TENM1: variants seen among roughly 807,000 people sequenced by gnomAD.
The protein encoded by TENM1 is teneurin-1.
A neutral mutation model predicts 174.8 loss-of-function variants in TENM1; 35 were observed. The ratio of observed to expected loss-of-function variants is 0.20; its 90% CI spans 0.15 to 0.27. The LOEUF (loss-of-function observed/expected upper bound fraction) is 0.27. TENM1 is among the 10% of genes least tolerant of loss of function. The pLI, the probability that TENM1 is intolerant of heterozygous loss-of-function variation, is 1.00. For missense variants in TENM1, 1,633 were observed against 2,130.1 expected (o/e 0.77, Z 4.59); for synonymous variants, 781 against 798.7 (o/e 0.98, Z 0.37).
At chrX:125,177,604 A>C in the TENM1 span, among the ~76,000 whole-genome samples, 3 of 112,337 alleles carry the variant, frequency 2.7e-5, no homozygotes, top group South Asian at 3.7e-4. Flanking sequence ...AGTGATTTCA[A>C]ATTTATTAAG....
At chrX:125,195,977 A>G in the TENM1 span, among the ~76,000 whole-genome samples, 1 of 106,045 alleles carries the variant, frequency 9.4e-6, no homozygotes, top group Non-Finnish European at 1.9e-5. Flanking sequence ...AAGAGAAGAA[A>G]AAAAGAAGGA....
intron 19 of TENM1, among the ~76,000 whole-genome samples, chrX:124,497,577 G>A (rs1377303130): frequency 9.0e-6 from 1 of 110,988 alleles, no homozygotes; most frequent in Non-Finnish European, 1.9e-5. Context: ...ATTCACTCTG[G>A]GCTCTGTGAA....
At chrX:124,823,163 A>G (rs1329208091) in intron 3 of TENM1, among the ~76,000 whole-genome samples, 1 of 112,172 alleles carries the variant, frequency 8.9e-6, no homozygotes, top group Non-Finnish European at 1.9e-5. Flanking sequence ...TTGTCTTCAT[A>G]TCTCACAACT....
intron 8 of TENM1, among the ~76,000 whole-genome samples, chrX:124,650,591 A>G (rs1233362011): frequency 9.0e-6 from 1 of 111,626 alleles, no homozygotes; most frequent in South Asian, 3.7e-4. Context: ...ATAGGAAGAC[A>G]GAAAGTCTTC....
chrX:125,001,108 A>T, the TENM1 span, among the ~76,000 whole-genome samples: 1 of 110,560 alleles, frequency 9.0e-6, no homozygotes, highest in Non-Finnish European at 1.9e-5. Flanking sequence ...ATTCTTTTCA[A>T]ATTCTGCTAT....
chrX:124,471,372 ATTATAATATATAGTACT>A (rs1189826759), intron 22 of TENM1, among the ~76,000 whole-genome samples: 2 of 35,402 alleles, frequency 5.6e-5, no homozygotes, highest in African/African-American at 2.5e-4. Flanking sequence ...AGTACTATAT[ATTATAATATATAGTACT>A]ATATATAATA....
chrX:125,045,373 T>C, the TENM1 span, among the ~76,000 whole-genome samples: 1 of 111,558 alleles, frequency 9.0e-6, no homozygotes, highest in African/African-American at 3.3e-5. Context: ...TTCTTCTTCC[T>C]GAAATATACC....
At chrX:124,618,170 C>T (rs1056857781) in intron 11 of TENM1, among the ~76,000 whole-genome samples, 2 of 111,699 alleles carry the variant, frequency 1.8e-5, no homozygotes, top group Non-Finnish European at 3.8e-5. Context: ...TAGACATTCA[C>T]GCTGCTTGGA....
the TENM1 span, among the ~76,000 whole-genome samples, chrX:125,026,588 G>A: frequency 9.0e-6 from 1 of 111,562 alleles, no homozygotes; most frequent in Non-Finnish European, 1.9e-5. Flanking sequence ...AGGGCAATTT[G>A]GAAAAGGATA....
chrX:124,669,442 A>G (rs1488729102), intron 6 of TENM1, among the ~76,000 whole-genome samples: 1 of 111,739 alleles, frequency 8.9e-6, no homozygotes, highest in Admixed American at 9.6e-5. Flanking sequence ...CTAGAGCTGT[A>G]TTTATGGGAT....
intron 20 of TENM1, among the ~76,000 whole-genome samples, chrX:124,489,923 T>C (rs765160457): frequency 9.0e-6 from 1 of 111,663 alleles, no homozygotes; most frequent in South Asian, 3.8e-4. Flanking sequence ...TGTCACTGAC[T>C]TCTCAGGTCT....
chrX:125,012,523 A>G, the TENM1 span, among the ~76,000 whole-genome samples: 1 of 112,140 alleles, frequency 8.9e-6, no homozygotes, highest in Admixed American at 9.5e-5. Context: ...AGCATTATAT[A>G]ATTGTAATAA....
chrX:124,736,905 A>C, intron 4 of TENM1, 52 bp downstream of exon 7: 1 of 1,160,984 alleles, frequency 8.6e-7, no homozygotes, highest in Non-Finnish European at 1.2e-6. Context: ...AATCAGTAGA[A>C]CCATCCTCTG....
upstream of TENM1, among the ~76,000 whole-genome samples, chrX:124,965,088 T>C (rs1043297950): frequency 2.7e-5 from 3 of 111,853 alleles, no homozygotes; most frequent in East Asian, 2.8e-4. Context: ...GATTGATTGA[T>C]TGATTTAGAG....
At chrX:124,425,180 G>A (rs1236070793) in intron 23 of TENM1, among the ~76,000 whole-genome samples, 1 of 112,111 alleles carries the variant, frequency 8.9e-6, no homozygotes, top group African/African-American at 3.2e-5. Flanking sequence ...TGTCTTAGCT[G>A]TTGCAAATAG....
At chrX:124,485,701 G>A (rs1331105913) in intron 21 of TENM1, among the ~76,000 whole-genome samples, 2 of 111,805 alleles carry the variant, frequency 1.8e-5, no homozygotes, top group African/African-American at 6.5e-5. Flanking sequence ...TGTGAGGAAA[G>A]TTAGAATTAG....
chrX:124,553,234 C>T (rs916290558), intron 14 of TENM1, among the ~76,000 whole-genome samples: 10 of 89,328 alleles, frequency 1.1e-4, no homozygotes, highest in African/African-American at 3.8e-4. Context: ...TGGTGGCTCA[C>T]GCCTGTAATC....
chrX:124,462,437 G>T (rs2061187590), intron 22 of TENM1, among the ~76,000 whole-genome samples: 1 of 97,336 alleles, frequency 1.0e-5, no homozygotes. Context: ...TGTGTGGGGG[G>T]GGTGGGGGTG....
intron 23 of TENM1, 27 bp downstream of exon 26, chrX:124,453,310 T>C (rs774318090): frequency 8.5e-7 from 1 of 1,182,182 alleles, no homozygotes; most frequent in Admixed American, 2.4e-5. Context: ...CAAATGACAA[T>C]AATACTTGAA....
Sources: gnomAD v4.1 joint callset for allele counts (sites outside exome capture counted in the v4.1 genomes callset) on GRCh38, gnomAD v4.1.1 for gene constraint, MANE v1.5 for transcripts, NCBI Gene and HGNC (gene_info 2026-07-23, HGNC 2026-07-21) for gene names.